Variants in GPHN observed in about 807,000 individuals in gnomAD.
GPHN encodes the protein gephyrin.
Under a neutral mutation model 95.5 loss-of-function variants are expected in GPHN, and 17 were observed. That is an observed-to-expected ratio of 0.18 (90% confidence interval 0.12 to 0.27). The LOEUF (loss-of-function observed/expected upper bound fraction) is 0.27. Among genes scored for constraint, GPHN ranks in the 10% least tolerant of loss-of-function variants. The pLI, the probability that GPHN is intolerant of heterozygous loss-of-function variation, is 1.00. For synonymous variants in GPHN, 320 were observed against 322.5 expected (o/e 0.99, Z 0.08); for missense variants, 660 against 978.1 (o/e 0.67, Z 4.34).
At chr14:67,650,546 T>A in the GPHN span, 1 of 620,436 alleles carries the variant, frequency 1.6e-6, no homozygotes. Context: ...TTAACTTAAA[T>A]TCATGGCCAA....
chr14:66,592,488 C>T (rs763644988), intron 1 of GPHN, among the ~76,000 whole-genome samples: 5 of 149,180 alleles, frequency 3.4e-5, no homozygotes, highest in Admixed American at 6.7e-5. Flanking sequence ...AAGAAGTGGG[C>T]GAAGGATAGA....
the GPHN span, among the ~76,000 whole-genome samples, chr14:67,726,714 G>A: frequency 6.6e-6 from 1 of 152,200 alleles, no homozygotes; most frequent in South Asian, 2.1e-4. Context: ...CATGGCCAGA[G>A]TGGGAGTTGG....
chr14:66,610,745 A>T (rs1300646963), intron 1 of GPHN, among the ~76,000 whole-genome samples: 1 of 152,144 alleles, frequency 6.6e-6, no homozygotes, highest in African/African-American at 2.4e-5. Context: ...AGAGAGACTC[A>T]CAATACAACA....
intron 10 of GPHN, among the ~76,000 whole-genome samples, chr14:67,047,366 GT>G (rs1196897917): frequency 0.19 from 19,906 of 107,262 alleles, 1,793 homozygotes; most frequent in Non-Finnish European, 0.26. Flanking sequence ...GTGTGTGTTT[GT>G]TTTTTTTTTT....
chr14:67,511,126 G>A, the GPHN span, among the ~76,000 whole-genome samples: 1 of 152,094 alleles, frequency 6.6e-6, no homozygotes, highest in Non-Finnish European at 1.5e-5. Context: ...CATGTGACAG[G>A]GGTGCCTCTT....
the GPHN span, among the ~76,000 whole-genome samples, chr14:67,448,120 C>CTTTTTTTTTTTTT: frequency 8.9e-4 from 32 of 36,078 alleles, 11 homozygotes; most frequent in African/African-American, 2.8e-3. Context: ...ATAGCCCATT[C>CTTTTTTTTTTTTT]TTTTTTTTTT....
chr14:67,368,326 A>G, the GPHN span, among the ~76,000 whole-genome samples: 1 of 152,132 alleles, frequency 6.6e-6, no homozygotes, highest in Non-Finnish European at 1.5e-5. Flanking sequence ...GGCTTGGTGT[A>G]TGAGTTTATG....
At chr14:67,643,027 T>G in the GPHN span, among the ~76,000 whole-genome samples, 3 of 152,254 alleles carry the variant, frequency 2.0e-5, no homozygotes, top group Non-Finnish European at 2.9e-5. Flanking sequence ...GGTCTCGAAC[T>G]CCTGAGCTCA....
chr14:66,511,346 T>G (rs1397583057), intron 1 of GPHN, among the ~76,000 whole-genome samples: 1 of 152,158 alleles, frequency 6.6e-6, no homozygotes, highest in East Asian at 1.9e-4. Context: ...TGAACTGTGG[T>G]TTTTGTAAAT....
the GPHN span, chr14:67,383,412 A>G: frequency 6.2e-7 from 1 of 1,613,706 alleles, no homozygotes; most frequent in Non-Finnish European, 8.5e-7. Flanking sequence ...GATGATGCAG[A>G]AGAAATGGAA....
chr14:67,302,039 G>C, the GPHN span: 568 of 1,610,760 alleles, frequency 3.5e-4, 2 homozygotes, highest in African/African-American at 6.8e-3. Flanking sequence ...ACAGATGAGA[G>C]AGTTTATGAA....
At chr14:67,007,524 T>C (rs1339595980) in intron 9 of GPHN, among the ~76,000 whole-genome samples, 2 of 152,210 alleles carry the variant, frequency 1.3e-5, no homozygotes, top group African/African-American at 4.8e-5. Flanking sequence ...TGTAGCACAG[T>C]TCAAGAGTTC....
Position 66,922,843 on chromosome 14 carries a change from T to C in GPHN, c.634T>C (p.Cys212Arg). ...HKQTEDKGVQ[C>R]EEEEEEKKDS... is the part of the protein sequence containing the mutation. ...ACAGACAGAAGACAAAGGAGTTCAA[T>C]GTGAGGAAGAGGAAGAAGAGAAGAA... The change falls in exon 7 of 23, where the codon TGT becomes CGT. Residue 212 changes from cysteine to arginine, a missense_variant. Physicochemically the swap from Cys to Arg is radical, Grantham distance 180 (BLOSUM62 -3). Transcript: ENST00000478722. 6.2e-7 allele frequency: 1 copy of C among 1,612,646 alleles called. No homozygotes were observed. The highest frequency in any genetic ancestry group is 8.5e-7 in the Non-Finnish European group (1 of 1,179,394).
the GPHN span, among the ~76,000 whole-genome samples, chr14:67,222,654 G>T: frequency 6.6e-6 from 1 of 152,098 alleles, no homozygotes; most frequent in Non-Finnish European, 1.5e-5. Flanking sequence ...AGAATCTTTA[G>T]CCTGTAACGA....
chr14:67,526,523 A>G, the GPHN span, among the ~76,000 whole-genome samples: 1 of 152,244 alleles, frequency 6.6e-6, no homozygotes, highest in Non-Finnish European at 1.5e-5. Flanking sequence ...CTAGTCTTTT[A>G]TACATCTCAG....
intron 8 of GPHN, among the ~76,000 whole-genome samples, chr14:66,960,310 A>T (rs548933229): frequency 5.8e-5 from 8 of 137,420 alleles, no homozygotes; most frequent in African/African-American, 1.5e-4. Context: ...TACAGGTTAT[A>T]CTTTCTTATT....
the GPHN span, among the ~76,000 whole-genome samples, chr14:67,315,865 C>T: frequency 3.3e-5 from 5 of 152,190 alleles, no homozygotes; most frequent in African/African-American, 1.2e-4. Context: ...GCGGAGGTTG[C>T]GGTGAGCCAA....
the GPHN span, chr14:67,620,064 A>G: frequency 3.7e-6 from 6 of 1,610,170 alleles, no homozygotes; most frequent in Admixed American, 3.4e-5. Flanking sequence ...TGGCTGTGAT[A>G]GGAGCCCCGT....
the GPHN span, chr14:67,600,253 C>G: frequency 4.2e-6 from 6 of 1,444,696 alleles, no homozygotes; most frequent in East Asian, 2.6e-5. Context: ...CTGCGCTCGC[C>G]GGCCCTGGCC....
Sources: allele counts gnomAD v4.1 joint callset (sites outside exome capture counted in the v4.1 genomes callset), GRCh38; gene constraint gnomAD v4.1.1; transcripts MANE v1.5; gene names NCBI Gene and HGNC (gene_info 2026-07-23, HGNC 2026-07-21).